The following CCDC144A variants were observed in gnomAD, a reference collection of about 807,000 sequenced individuals.
CCDC144A encodes the protein coiled-coil domain-containing protein 144A.
Under a neutral mutation model 143.8 loss-of-function variants are expected in CCDC144A, and 41 were observed. That is an observed-to-expected ratio of 0.29 (90% CI 0.22 to 0.37). The LOEUF is 0.37. CCDC144A is among the 10% of genes least tolerant of loss of function. CCDC144A has a pLI of 1.00. For missense variants in CCDC144A, 637 were observed against 1,488.8 expected, an observed-to-expected ratio of 0.43 and a Z score of 9.41; for synonymous variants, 242 against 517.9, an observed-to-expected ratio of 0.47 and a Z score of 7.23.
At chr17:16,680,901 GTAT>G in the CCDC144A span, among the ~76,000 whole-genome samples, 1 of 151,958 alleles carries the variant, frequency 6.6e-6, no homozygotes, top group South Asian at 2.1e-4. Context: ...CAAGTAGGAT[GTAT>G]TATACTTGAA....
chr17:16,675,183 C>G, the CCDC144A span, among the ~76,000 whole-genome samples: 2 of 150,760 alleles, frequency 1.3e-5, no homozygotes, highest in Admixed American at 1.3e-4. Context: ...GCAAGAGAAG[C>G]GCCTGAACCT....
chr17:16,686,787 A>ACAC (rs1910801321), upstream of CCDC144A, among the ~76,000 whole-genome samples: 1 of 136,408 alleles, frequency 7.3e-6, no homozygotes, highest in Non-Finnish European at 1.6e-5. Context: ...CACACACACA[A>ACAC]AGAAAAGAAA....
chr17:16,742,652 C>A (rs1454911744), intron 12 of CCDC144A, among the ~76,000 whole-genome samples: 2 of 152,182 alleles, frequency 1.3e-5, no homozygotes, highest in Non-Finnish European at 2.9e-5. Flanking sequence ...TACTAGTTTA[C>A]ATTCCCTCCA....
chr17:16,746,066 C>A (rs980385835), intron 12 of CCDC144A: 2 of 1,609,238 alleles, frequency 1.2e-6, no homozygotes, highest in African/African-American at 2.7e-5. Context: ...TCTCCTGGGG[C>A]TCCTTCAGCG....
At chr17:16,740,206 A>G (rs560260445) in intron 12 of CCDC144A, among the ~76,000 whole-genome samples, 1 of 152,224 alleles carries the variant, frequency 6.6e-6, no homozygotes, top group South Asian at 2.1e-4. Flanking sequence ...GAGCTAATTC[A>G]TCATGTTGCA....
At chr17:16,732,420 G>A in intron 10 of CCDC144A, 118 bp from the exon 11 acceptor site, 1 of 618,494 alleles carries the variant, frequency 1.6e-6, no homozygotes, top group South Asian at 2.0e-5. Context: ...AGGGATAAAA[G>A]TTCTTGTGTT....
intron 12 of CCDC144A, among the ~76,000 whole-genome samples, chr17:16,758,315 CAA>C (rs1915195115): frequency 1.3e-5 from 2 of 152,270 alleles, no homozygotes; most frequent in South Asian, 2.1e-4. Flanking sequence ...CACACACACA[CAA>C]GTTTCATTTA....
chr17:16,739,745 G>A, intron 12 of CCDC144A, among the ~76,000 whole-genome samples: 1 of 152,162 alleles, frequency 6.6e-6, no homozygotes. Flanking sequence ...TGGATTCTCA[G>A]TTATAATATA....
upstream of CCDC144A, among the ~76,000 whole-genome samples, chr17:16,685,793 C>T (rs545931717): frequency 2.1e-3 from 316 of 151,742 alleles, 2 homozygotes; most frequent in African/African-American, 7.4e-3. Flanking sequence ...TATTTTGAGA[C>T]GGAGTTTCAT....
intron 1 of CCDC144A, among the ~76,000 whole-genome samples, chr17:16,691,368 T>C (rs1294785002): frequency 1.3e-5 from 2 of 152,130 alleles, no homozygotes; most frequent in Non-Finnish European, 2.9e-5. Flanking sequence ...TTTCCCAGAT[T>C]TGTGGCAGGA....
chr17:16,716,225 C>T (rs1272992623), intron 6 of CCDC144A, among the ~76,000 whole-genome samples: 1 of 152,162 alleles, frequency 6.6e-6, no homozygotes, highest in Non-Finnish European at 1.5e-5. Flanking sequence ...AGTTAAAAAA[C>T]AAGCAAACAA....
intron 2 of CCDC144A, among the ~76,000 whole-genome samples, 166 bp downstream of exon 2, chr17:16,693,215 T>A (rs1183842202): frequency 6.6e-6 from 1 of 152,168 alleles, no homozygotes; most frequent in African/African-American, 2.4e-5. Context: ...TTTAAAAAGT[T>A]AATTGTAGGT....
intron 6 of CCDC144A, among the ~76,000 whole-genome samples, chr17:16,716,896 C>T (rs1190911247): frequency 6.6e-6 from 1 of 150,382 alleles, no homozygotes; most frequent in African/African-American, 2.5e-5. Context: ...TCACTGCAAG[C>T]TCCGCCTCCT....
rs1243112846 is a variant in CCDC144A at position 16,777,022 on chromosome 17, G to A, written c.*3389G>A. 8 of 139,050 alleles carry A rather than the reference G, an allele frequency of 5.8e-5. No individual in the cohort carries two copies. In the East Asian group the frequency reaches 1.1e-3, roughly 19 times the overall value. 8.6% of individuals were successfully genotyped at this position (139,050 alleles called of 1,614,324 possible). A position where few individuals can be genotyped will look rare whatever the true frequency, so the allele number is the denominator to read the frequency against. ...GCAAAGGGTTGGAAAAAGACACTTC[G>A]TCTAAATGGACACATCAAAAGCGAG... On this transcript the variant is annotated 3_prime_UTR_variant, in exon 17 of 17. Coordinates refer to ENST00000399273, the MANE Select transcript of CCDC144A (RefSeq NM_001382000.1).
chr17:16,683,585 C>G, the CCDC144A span: 14 of 1,610,294 alleles, frequency 8.7e-6, no homozygotes, highest in African/African-American at 1.6e-4. Flanking sequence ...CACAGGTGGA[C>G]CGGTTTCCTG....
the CCDC144A span, among the ~76,000 whole-genome samples, chr17:16,682,889 T>TG: frequency 2.9e-5 from 2 of 67,962 alleles, no homozygotes; most frequent in Admixed American, 1.5e-4. Flanking sequence ...CTCTGTTTTT[T>TG]TTTTTTTTTT....
Position 16,709,288 on chromosome 17 carries a change from A to T in CCDC144A, c.1231A>T (p.Ile411Phe), listed in dbSNP as rs1912248624. 1 of 1,611,610 alleles carries T rather than the reference A, an allele frequency of 6.2e-7. No homozygotes were observed. Among genetic ancestry groups the T allele is most frequent in the Non-Finnish European group, 8.5e-7 (1 of 1,179,650 alleles). Residue 411 changes from isoleucine to phenylalanine, a missense_variant, in exon 5 of 17, where the codon ATT becomes TTT. Transcript: ENST00000399273. The part of the protein sequence containing the change: ...LDCDNDNKPG[I>F]GHIFSTDKNF... Reference sequence around the variant, plus strand: ...CTGCGACAATGATAACAAACCAGGCATTGGACATATTTTTAGTACAGATAA... The same window carrying T: ...CTGCGACAATGATAACAAACCAGGCTTTGGACATATTTTTAGTACAGATAA...
chr17:16,725,002 A>ATTTTTTTTTTTT (rs1167527388), intron 8 of CCDC144A, among the ~76,000 whole-genome samples: 2 of 37,284 alleles, frequency 5.4e-5, no homozygotes, highest in African/African-American at 8.3e-5. Context: ...ATAGCTGGTA[A>ATTTTTTTTTTTT]TTTTTTTTTT....
chr17:16,739,741 C>A (rs576133813), intron 12 of CCDC144A, among the ~76,000 whole-genome samples: 1 of 152,056 alleles, frequency 6.6e-6, no homozygotes, highest in Non-Finnish European at 1.5e-5. Flanking sequence ...TTTTTGGATT[C>A]TCAGTTATAA....
Sources: gnomAD v4.1 joint callset for allele counts (sites outside exome capture counted in the v4.1 genomes callset) on GRCh38, gnomAD v4.1.1 for gene constraint, MANE v1.5 for transcripts, NCBI Gene and HGNC (gene_info 2026-07-23, HGNC 2026-07-21) for gene names.